The following OCIAD1 variants were observed in gnomAD, a reference collection of about 807,000 sequenced individuals.
OCIAD1 encodes the protein OCIA domain containing 1, also known as OCIA domain-containing protein 1.
Under a neutral mutation model 38.9 loss-of-function variants are expected in OCIAD1, and 29 were observed. The ratio of observed to expected loss-of-function variants is 0.74; its 90% CI spans 0.55 to 1.02. The LOEUF is 1.02. OCIAD1 is among the 50% of genes least tolerant of loss of function. OCIAD1 has a pLI of 0.00. For missense variants in OCIAD1, 288 were observed against 289.6 expected (o/e 0.99, Z 0.04); for synonymous variants, 110 against 92.0 (o/e 1.20, Z -1.12).
At chr4:48,811,003 A>T (rs1425486897) in intron 1 of OCIAD1, among the ~76,000 whole-genome samples, 1 of 150,442 alleles carries the variant, frequency 6.6e-6, no homozygotes, top group African/African-American at 2.5e-5. Flanking sequence ...CCACAGGCAC[A>T]CACTACCATG....
In OCIAD1 at chr4:48,860,933, G is replaced by A. The variant is rs932453314; in HGVS notation, c.*171G>A. On this transcript the variant is annotated 3_prime_UTR_variant, in exon 9 of 9. Coordinates refer to ENST00000264312, the MANE Select transcript of OCIAD1 (RefSeq NM_017830.4). ...TGTTTTAAAAAAACACAGATTTTTA[G>A]TGTTAATATTGTGTAAATGTACTCA... 2.3e-5 allele frequency: 14 copies of A among 613,514 alleles called. No individual in the cohort carries two copies. Among genetic ancestry groups the A allele is most frequent in the Non-Finnish European group, 4.1e-5 (14 of 340,828 alleles). The allele number at this position is 613,514 out of a possible 1,614,324, so 38.0% of individuals were successfully genotyped here. A position where few individuals can be genotyped will look rare whatever the true frequency, so the allele number is the denominator to read the frequency against.
intron 8 of OCIAD1, among the ~76,000 whole-genome samples, chr4:48,858,520 CA>C: frequency 1.3e-5 from 2 of 152,168 alleles, no homozygotes; most frequent in Non-Finnish European, 2.9e-5. Flanking sequence ...GTGGTGTAAT[CA>C]TGGCTTACTG....
At chr4:48,821,712 C>A (rs1777196587) in intron 1 of OCIAD1, among the ~76,000 whole-genome samples, 1 of 152,148 alleles carries the variant, frequency 6.6e-6, no homozygotes, top group Non-Finnish European at 1.5e-5. Flanking sequence ...GATACAAAAT[C>A]AATGTGCAAA....
At chr4:48,819,845 A>G (rs975933309) in intron 1 of OCIAD1, among the ~76,000 whole-genome samples, 5 of 152,198 alleles carry the variant, frequency 3.3e-5, no homozygotes, top group Admixed American at 6.5e-5. Flanking sequence ...GGATCAATAC[A>G]TCAAGAAGAG....
intron 1 of OCIAD1, among the ~76,000 whole-genome samples, chr4:48,816,241 T>C (rs539751104): frequency 7.2e-5 from 11 of 152,188 alleles, no homozygotes; most frequent in Non-Finnish European, 1.5e-4. Context: ...ATGGCACACA[T>C]AGAAAAACGC....
At chr4:48,839,967 C>G (rs1778376096) in intron 3 of OCIAD1, among the ~76,000 whole-genome samples, 1 of 152,172 alleles carries the variant, frequency 6.6e-6, no homozygotes, top group Admixed American at 6.5e-5. Context: ...TTGCTTTGAG[C>G]AAATGACTTG....
intron 7 of OCIAD1, among the ~76,000 whole-genome samples, chr4:48,852,806 G>T (rs1779607178): frequency 6.6e-6 from 1 of 151,668 alleles, no homozygotes; most frequent in African/African-American, 2.4e-5. Context: ...TTAGAAACGG[G>T]AAATACAGGT....
chr4:48,853,415 T>C (rs1779724160), intron 7 of OCIAD1, among the ~76,000 whole-genome samples: 1 of 152,216 alleles, frequency 6.6e-6, no homozygotes, highest in Admixed American at 6.5e-5. Context: ...TGTAGTATTT[T>C]TCTAAAACCT....
chr4:48,853,087 G>A (rs567165820), intron 7 of OCIAD1, among the ~76,000 whole-genome samples: 12 of 151,728 alleles, frequency 7.9e-5, no homozygotes, highest in Non-Finnish European at 1.6e-4. Context: ...CACTGTGTTG[G>A]CCAGGATGGT....
intron 1 of OCIAD1, among the ~76,000 whole-genome samples, chr4:48,820,903 A>G (rs1228719435): frequency 1.3e-5 from 2 of 152,200 alleles, no homozygotes; most frequent in Admixed American, 6.5e-5. Context: ...TTGAGGCAGT[A>G]ATTAATAGCC....
At chr4:48,819,692 A>T (rs1336820042) in intron 1 of OCIAD1, among the ~76,000 whole-genome samples, 1 of 135,476 alleles carries the variant, frequency 7.4e-6, no homozygotes, top group Non-Finnish European at 1.6e-5. Context: ...CAAAATAAAG[A>T]GACGGAGGAA....
intron 1 of OCIAD1, among the ~76,000 whole-genome samples, chr4:48,805,769 G>A (rs1441944707): frequency 1.3e-5 from 2 of 151,646 alleles, no homozygotes; most frequent in African/African-American, 2.4e-5. Context: ...GTTAACAGTT[G>A]TTTAGAAAAA....
At chr4:48,812,031 C>T (rs1777093611) in intron 1 of OCIAD1, among the ~76,000 whole-genome samples, 1 of 151,750 alleles carries the variant, frequency 6.6e-6, no homozygotes, top group Non-Finnish European at 1.5e-5. Context: ...TGCCTGTAAT[C>T]CCAGCACTTT....
intron 3 of OCIAD1, chr4:48,837,338 G>A (rs1327352530): frequency 6.7e-6 from 1 of 149,522 alleles, no homozygotes; most frequent in Non-Finnish European, 1.5e-5. Flanking sequence ...TGTTGCCCAG[G>A]CTGGAATGCA....
chr4:48,813,657 A>G (rs1359987514), intron 1 of OCIAD1, among the ~76,000 whole-genome samples: 3 of 152,216 alleles, frequency 2.0e-5, no homozygotes, highest in Non-Finnish European at 2.9e-5. Context: ...CCCTGTCCCA[A>G]AGGGGAAACA....
chr4:48,825,782 CTTCTCTCTCT>C (rs913786723), intron 1 of OCIAD1, among the ~76,000 whole-genome samples: 5 of 151,364 alleles, frequency 3.3e-5, no homozygotes, highest in Admixed American at 6.6e-5. Flanking sequence ...CCCTCCCTCC[CTTCTCTCTCT>C]TTCTCTCTCT....
At chr4:48,854,147 A>T (rs150872782) in intron 7 of OCIAD1, among the ~76,000 whole-genome samples, 1 of 152,114 alleles carries the variant, frequency 6.6e-6, no homozygotes, top group African/African-American at 2.4e-5. Flanking sequence ...CCCCTTATCC[A>T]TGGGGGATAA....
chr4:48,816,464 C>T (rs1459320222), intron 1 of OCIAD1, among the ~76,000 whole-genome samples: 3 of 149,320 alleles, frequency 2.0e-5, no homozygotes, highest in Non-Finnish European at 4.4e-5. Flanking sequence ...ACCTGGGAGG[C>T]GGAGGTTGCA....
chr4:48,826,729 C>A (rs1460078328), upstream of OCIAD1, among the ~76,000 whole-genome samples: 2 of 152,124 alleles, frequency 1.3e-5, no homozygotes, highest in Non-Finnish European at 2.9e-5. Flanking sequence ...AAGCAAAAAC[C>A]CAAAACAAAA....
Sources: gnomAD v4.1 joint callset for allele counts (sites outside exome capture counted in the v4.1 genomes callset) on GRCh38, gnomAD v4.1.1 for gene constraint, MANE v1.5 for transcripts, NCBI Gene and HGNC (gene_info 2026-07-23, HGNC 2026-07-21) for gene names.